PALM2AKAP2: variants seen among roughly 807,000 people sequenced by gnomAD.
The protein encoded by PALM2AKAP2 is PALM2 and AKAP2 fusion.
In PALM2AKAP2, 37 loss-of-function variants were observed where a neutral mutation model predicts 71.5. The ratio of observed to expected loss-of-function variants is 0.52; its 90% confidence interval spans 0.40 to 0.68. The LOEUF (loss-of-function observed/expected upper bound fraction) is 0.68, where lower values mean the gene tolerates loss of function less well. Ranked by LOEUF, PALM2AKAP2 falls within the 30% of genes least tolerant of loss-of-function variation. PALM2AKAP2 has a pLI of 0.00. For missense variants in PALM2AKAP2, 1,224 were observed against 1,191.8 expected (o/e 1.03, Z -0.40); for synonymous variants, 468 against 478.8 (o/e 0.98, Z 0.29).
At chr9:109,952,431 C>A (rs900364149) in intron 6 of PALM2AKAP2, among the ~76,000 whole-genome samples, 5 of 152,180 alleles carry the variant, frequency 3.3e-5, no homozygotes, top group Non-Finnish European at 7.3e-5. Context: ...GAGTTCTCAT[C>A]TGGTTGGGTT....
rs777833969 is a variant in PALM2AKAP2, at chr9:109,701,838, C to G, written c.5+60972C>G. On this transcript the variant is annotated intron_variant, in intron 1 of 6. Coordinates refer to the PALM2AKAP2 transcript ENST00000374531. ...CAGAATGGGAGAAAATTTTTGCAATCTACTCATCTGACAAAGGGCTAATAT... is the reference window on the plus strand; with the variant it reads ...CAGAATGGGAGAAAATTTTTGCAATGTACTCATCTGACAAAGGGCTAATAT... Among the ~76,000 whole-genome samples, 352 of 152,256 alleles carry G rather than the reference C, an allele frequency of 2.3e-3. 1 individual carries two copies. The highest frequency in any genetic ancestry group is 4.2e-3 in the Non-Finnish European group (287 of 68,024).
intron 6 of PALM2AKAP2, among the ~76,000 whole-genome samples, chr9:109,954,995 C>G (rs550170279): frequency 6.6e-6 from 1 of 152,168 alleles, no homozygotes; most frequent in African/African-American, 2.4e-5. Flanking sequence ...AACACCAACA[C>G]CACCACCATC....
intron 2 of PALM2AKAP2, among the ~76,000 whole-genome samples, chr9:109,875,295 C>T (rs1829697853): frequency 6.6e-6 from 1 of 152,216 alleles, no homozygotes; most frequent in Admixed American, 6.5e-5. Flanking sequence ...CTTTAAATGT[C>T]CTCCCCTGGT....
At chr9:110,030,882 G>A (rs1393748872) in intron 7 of PALM2AKAP2, among the ~76,000 whole-genome samples, 2 of 152,188 alleles carry the variant, frequency 1.3e-5, no homozygotes, top group Non-Finnish European at 2.9e-5. Context: ...CCACGAGCTG[G>A]TCTGTTTCGA....
At chr9:109,910,561 A>C (rs759083095) in intron 3 of PALM2AKAP2, among the ~76,000 whole-genome samples, 1 of 152,218 alleles carries the variant, frequency 6.6e-6, no homozygotes, top group African/African-American at 2.4e-5. Context: ...TCTCTTCATC[A>C]TGGAGGAAGA....
At chr9:109,763,644 T>A (rs1017110878) in intron 1 of PALM2AKAP2, among the ~76,000 whole-genome samples, 3 of 152,030 alleles carry the variant, frequency 2.0e-5, no homozygotes, top group Non-Finnish European at 4.4e-5. Context: ...GTTCTGGGAG[T>A]GGGAAGTCTG....
At chr9:109,726,154 AG>A (rs1159411333) in intron 1 of PALM2AKAP2, among the ~76,000 whole-genome samples, 1 of 152,204 alleles carries the variant, frequency 6.6e-6, no homozygotes, top group African/African-American at 2.4e-5. Flanking sequence ...TATAGAAGCC[AG>A]ACTCTTTTTA....
chr9:109,701,933 T>C (rs1298970926), intron 1 of PALM2AKAP2, among the ~76,000 whole-genome samples: 3 of 152,074 alleles, frequency 2.0e-5, no homozygotes, highest in Non-Finnish European at 4.4e-5. Context: ...GGGCAAAGGA[T>C]ATGAACAGAC....
chr9:109,923,402 T>G lies in PALM2AKAP2; in HGVS notation c.258-333T>G, dbSNP rs374401691. On this transcript the variant is annotated intron_variant, in intron 3 of 9. Transcript: ENST00000302798. Reference sequence around the variant, plus strand: ...ATATGAAGCTATTTTCCTTCTGATGTTATGTCCTATGCTATGTAAATATAA... The same window carrying G: ...ATATGAAGCTATTTTCCTTCTGATGGTATGTCCTATGCTATGTAAATATAA... Among the ~76,000 whole-genome samples the G allele has an allele frequency of 2.8e-4, 43 of 152,332 alleles. No individual in the cohort carries two copies. In the South Asian group the frequency reaches 8.9e-3, roughly 32 times the overall value.
intron 3 of PALM2AKAP2, among the ~76,000 whole-genome samples, chr9:109,903,564 G>A (rs1210576102): frequency 1.3e-5 from 2 of 152,142 alleles, no homozygotes; most frequent in Non-Finnish European, 2.9e-5. Flanking sequence ...CTGTTCCTTT[G>A]AAAACAACAA....
chr9:110,109,600 T>C (rs1835197669), intron 1 of PALM2AKAP2, among the ~76,000 whole-genome samples: 2 of 152,162 alleles, frequency 1.3e-5, no homozygotes, highest in Admixed American at 6.5e-5. Flanking sequence ...CTTCTAGAAC[T>C]ACGTGCAAGG....
At chr9:109,958,550 T>C (rs1160185545) in intron 6 of PALM2AKAP2, among the ~76,000 whole-genome samples, 3 of 151,838 alleles carry the variant, frequency 2.0e-5, no homozygotes, top group Non-Finnish European at 2.9e-5. Context: ...CAGGAGTATT[T>C]TTCTATAATT....
At chr9:110,043,934 G>T (rs1032547403), upstream of PALM2AKAP2, among the ~76,000 whole-genome samples, 4 of 151,700 alleles carry the variant, frequency 2.6e-5, no homozygotes, top group Admixed American at 1.3e-4. Flanking sequence ...GCCCAGGCTG[G>T]TCTCAAATTT....
intron 1 of PALM2AKAP2, among the ~76,000 whole-genome samples, chr9:109,728,526 C>T (rs1828508142): frequency 6.6e-6 from 1 of 152,218 alleles, no homozygotes; most frequent in African/African-American, 2.4e-5. Context: ...TGCCTGAAGC[C>T]AGCTCTATCC....
At chr9:110,035,658 T>C (rs1396869493) in intron 7 of PALM2AKAP2, among the ~76,000 whole-genome samples, 2 of 125,856 alleles carry the variant, frequency 1.6e-5, no homozygotes, top group African/African-American at 6.3e-5. Context: ...ATAACATATA[T>C]AGGATATGTT....
chr9:109,746,516 G>A (rs7862070), intron 1 of PALM2AKAP2, among the ~76,000 whole-genome samples: 65,409 of 151,908 alleles, frequency 0.43, 14,258 homozygotes, highest in East Asian at 0.5. Context: ...TTCAATCTTA[G>A]GGTCAGAGCT....
exon 2 of PALM2AKAP2, chr9:110,136,770 A>G (rs759531024): frequency 1.2e-6 from 2 of 1,614,206 alleles, no homozygotes; most frequent in Admixed American, 3.3e-5. Flanking sequence ...AAGGAGGCCA[A>G]GTTTGAGCTG....
At chr9:109,926,400 G>A (rs1830956920) in intron 5 of PALM2AKAP2, among the ~76,000 whole-genome samples, 3 of 152,154 alleles carry the variant, frequency 2.0e-5, no homozygotes, top group South Asian at 4.1e-4. Context: ...GTCCAAGCTA[G>A]CAAGGACTCT....
intron 1 of PALM2AKAP2, among the ~76,000 whole-genome samples, chr9:110,076,577 G>A (rs1393532666): frequency 6.8e-6 from 1 of 147,504 alleles, no homozygotes; most frequent in Non-Finnish European, 1.5e-5. Flanking sequence ...AATCTCACTA[G>A]TTGCCAAATG....
Sources: allele counts gnomAD v4.1 joint callset (sites outside exome capture counted in the v4.1 genomes callset), GRCh38; gene constraint gnomAD v4.1.1; transcripts MANE v1.5; gene names NCBI Gene and HGNC (gene_info 2026-07-23, HGNC 2026-07-21).